Variants in CCNYL1 observed in about 807,000 individuals in gnomAD.
The protein encoded by CCNYL1 is cyclin Y like 1, also known as cyclin-Y-like protein 1.
In CCNYL1, 16 loss-of-function variants were observed where a neutral mutation model predicts 44.2. That is an observed-to-expected ratio of 0.36 (90% CI 0.25 to 0.55). The LOEUF (loss-of-function observed/expected upper bound fraction) is 0.55, where lower values mean the gene tolerates loss of function less well. CCNYL1 is among the 20% of genes least tolerant of loss of function. The pLI is 0.85. For synonymous variants in CCNYL1, 159 were observed against 163.2 expected, an observed-to-expected ratio of 0.97 and a Z score of 0.20; for missense variants, 348 against 451.8, an observed-to-expected ratio of 0.77 and a Z score of 2.08.
chr2:207,738,906 G>C (rs141382879), intron 5 of CCNYL1, among the ~76,000 whole-genome samples: 1 of 151,886 alleles, frequency 6.6e-6, no homozygotes, highest in Non-Finnish European at 1.5e-5. Context: ...TTTTAGTAGA[G>C]ACAGTGTTTC....
chr2:207,740,616 C>T, intron 5 of CCNYL1, 39 bp from the exon 6 acceptor site: 1 of 1,360,940 alleles, frequency 7.3e-7, no homozygotes. Flanking sequence ...ATTAACAATT[C>T]CTGAATTAAC....
chr2:207,734,323 C>T (rs1251676048), intron 4 of CCNYL1, among the ~76,000 whole-genome samples: 2 of 152,154 alleles, frequency 1.3e-5, no homozygotes, highest in Admixed American at 6.5e-5. Context: ...AAGACAGTGT[C>T]GAACATAATG....
chr2:207,736,978 C>T (rs562590939), intron 4 of CCNYL1, among the ~76,000 whole-genome samples: 5 of 151,252 alleles, frequency 3.3e-5, no homozygotes, highest in Non-Finnish European at 7.4e-5. Context: ...TGCAGTGGCA[C>T]GATCTCGGCT....
chr2:207,716,648 C>G (rs2091597695), intron 1 of CCNYL1, among the ~76,000 whole-genome samples: 1 of 152,116 alleles, frequency 6.6e-6, no homozygotes, highest in African/African-American at 2.4e-5. Flanking sequence ...TTTACCTATC[C>G]TTTATGATTG....
intron 6 of CCNYL1, among the ~76,000 whole-genome samples, chr2:207,741,023 A>T (rs1164116148): frequency 1.3e-5 from 2 of 152,156 alleles, no homozygotes; most frequent in African/African-American, 4.8e-5. Context: ...TGGGAGGCCG[A>T]GGCAGGCGGA....
intron 2 of CCNYL1, among the ~76,000 whole-genome samples, chr2:207,726,039 A>G (rs1422336368): frequency 6.6e-6 from 1 of 152,160 alleles, no homozygotes; most frequent in Non-Finnish European, 1.5e-5. Flanking sequence ...TGTATTTCTC[A>G]GTTTCTTTCA....
Position 207,751,082 on chromosome 2 carries a change from T to C in CCNYL1, c.932T>C (p.Phe311Ser), listed in dbSNP as rs774435893. ...LADDNNLNFL[F>S]APLSKERAQN... ...GATGACAACAACCTGAATTTTCTATTTGCTCCTCTTAGCAAAGAAAGAGCA... is the reference window on the plus strand; with the variant it reads ...GATGACAACAACCTGAATTTTCTATCTGCTCCTCTTAGCAAAGAAAGAGCA... Residue 311 changes from phenylalanine to serine, a missense_variant, in exon 9 of 10, where the codon TTT becomes TCT. By Grantham distance (155) the Phe-to-Ser change is radical. Transcript: ENST00000295414. The C allele has an allele frequency of 1.2e-6, 2 of 1,614,030 alleles. No homozygotes were observed. The highest frequency in any genetic ancestry group is 1.7e-6 in the Non-Finnish European group (2 of 1,180,022).
Position 207,750,992 on chromosome 2 carries a change from A to C in CCNYL1, c.842A>C (p.Gln281Pro). 1 of 1,613,952 alleles carries C rather than the reference A, an allele frequency of 6.2e-7. No homozygotes were observed. The highest frequency in any genetic ancestry group is 2.2e-5 in the East Asian group (1 of 44,878). Residue 281 changes from glutamine (Q) to proline (P), a missense_variant, in exon 9 of 10, where the codon CAG (glutamine) becomes CCG (proline). Gln to Pro is a moderately conservative substitution (Grantham distance 76). This residue lies in a region of CCNYL1 where 94 missense variants were observed against 102.4 expected (regional missense o/e 0.92). Transcript: ENST00000295414. ...GAAAGGCATTTTCTGGAGCTTCTTC[A>C]GTTTAATATTAATGTTCCTGCCAGT... ...EMERHFLELL[Q>P]FNINVPASVY...
intron 1 of CCNYL1, among the ~76,000 whole-genome samples, chr2:207,718,231 T>C (rs1025707710): frequency 6.6e-6 from 1 of 152,094 alleles, no homozygotes; most frequent in Admixed American, 6.6e-5. Context: ...AAGAAAAAGA[T>C]CAGACGGTGG....
intron 3 of CCNYL1, among the ~76,000 whole-genome samples, chr2:207,733,438 A>G (rs2091743808): frequency 6.6e-6 from 1 of 152,232 alleles, no homozygotes; most frequent in African/African-American, 2.4e-5. Context: ...CAGCCCTGGC[A>G]GACGAAGCCT....
intron 1 of CCNYL1, among the ~76,000 whole-genome samples, chr2:207,712,786 G>A (rs1388112180): frequency 3.3e-5 from 5 of 152,114 alleles, no homozygotes; most frequent in Non-Finnish European, 7.4e-5. Flanking sequence ...GACTGTGAAG[G>A]GTGTGAGAGG....
intron 9 of CCNYL1, 98 bp downstream of exon 9, chr2:207,751,217 C>T: frequency 9.0e-7 from 1 of 1,107,920 alleles, no homozygotes; most frequent in Non-Finnish European, 1.3e-6. Flanking sequence ...AAATGGAAAG[C>T]TTTAAAATTA....
At chr2:207,738,597 A>G (rs2091783107) in intron 5 of CCNYL1, among the ~76,000 whole-genome samples, 1 of 152,162 alleles carries the variant, frequency 6.6e-6, no homozygotes, top group Admixed American at 6.5e-5. Context: ...TGTGTTATCA[A>G]TGAATTTTTT....
At chr2:207,746,817 A>G (rs2105839692) in intron 7 of CCNYL1, among the ~76,000 whole-genome samples, 1 of 152,276 alleles carries the variant, frequency 6.6e-6, no homozygotes, top group African/African-American at 2.4e-5. Context: ...CTCTACTGAA[A>G]ATACAAAAAT....
rs181718588 is a variant in CCNYL1, at chr2:207,748,243, C to T, written c.806+1030C>T. ...AGGAAGCTCCAGCGTTCCCCTCAGGCGGTCTGAGAAGCACTGCTGGGGCAT... is the reference window on the plus strand; with the variant it reads ...AGGAAGCTCCAGCGTTCCCCTCAGGTGGTCTGAGAAGCACTGCTGGGGCAT... On this transcript the variant is annotated intron_variant, in intron 8 of 9. Transcript: ENST00000295414. Among the ~76,000 whole-genome samples the T allele has an allele frequency of 2.8e-4, 43 of 152,294 alleles. No individual in the cohort carries two copies. In the South Asian group the frequency reaches 3.5e-3, roughly 12 times the overall value.
rs1396063963 is a variant in CCNYL1 at position 207,740,705 on chromosome 2, CAGTA to C, written c.519+3_519+6del. 3.1e-6 allele frequency: 5 copies of C among 1,593,984 alleles called. No homozygotes were observed. Among genetic ancestry groups the C allele is most frequent in the Non-Finnish European group, 3.4e-6 (4 of 1,163,346 alleles). On this transcript the variant is annotated splice_donor_variant and splice_donor_region_variant and coding_sequence_variant and intron_variant, in exon 6 of 10. Transcript: ENST00000295414. LOFTEE classifies it high-confidence loss of function. ...TTTGATGAGAGATCACATCCACTTA[CAGTA>C]AGTGTCACTTTTTTTGAGGTAGTAT...
intron 8 of CCNYL1, among the ~76,000 whole-genome samples, chr2:207,748,949 A>G (rs1159216678): frequency 2.0e-5 from 3 of 152,252 alleles, no homozygotes; most frequent in Non-Finnish European, 2.9e-5. Flanking sequence ...TCCGTCTGCA[A>G]ACTGGTTTCT....
chr2:207,750,014 T>C (rs2091880298), intron 8 of CCNYL1, among the ~76,000 whole-genome samples: 1 of 152,206 alleles, frequency 6.6e-6, no homozygotes, highest in African/African-American at 2.4e-5. Context: ...GCTTAAGCAT[T>C]TGGCAAGGGC....
chr2:207,736,394 C>T (rs1296743228), intron 4 of CCNYL1, among the ~76,000 whole-genome samples: 1 of 152,194 alleles, frequency 6.6e-6, no homozygotes, highest in African/African-American at 2.4e-5. Context: ...TTTCCTGATA[C>T]ACAACATCTG....
Sources: allele counts gnomAD v4.1 joint callset (sites outside exome capture counted in the v4.1 genomes callset), GRCh38; gene constraint gnomAD v4.1.1; regional missense constraint gnomAD v4.1.1; transcripts MANE v1.5; gene names NCBI Gene and HGNC (gene_info 2026-07-23, HGNC 2026-07-21).